MKLN1: variants seen among roughly 807,000 people sequenced by gnomAD.
The protein encoded by MKLN1 is muskelin 1.
MKLN1 carries 18 observed loss-of-function variants against 99.0 expected under a neutral mutation model. The observed-to-expected ratio is 0.18, with a 90% CI of 0.13 to 0.27. The LOEUF (loss-of-function observed/expected upper bound fraction) is 0.27. MKLN1 is among the 10% of genes least tolerant of loss of function. The pLI is 1.00. For missense variants in MKLN1, 621 were observed against 875.9 expected (o/e 0.71, Z 3.67); for synonymous variants, 288 against 293.2 (o/e 0.98, Z 0.18).
chr7:131,230,255 G>A (rs1342236656), intron 3 of MKLN1, among the ~76,000 whole-genome samples: 2 of 152,168 alleles, frequency 1.3e-5, no homozygotes, highest in African/African-American at 2.4e-5. Flanking sequence ...CAAAAGGGAG[G>A]AGGTATAAGG....
chr7:131,319,709 C>G (rs1235357460), intron 3 of MKLN1, among the ~76,000 whole-genome samples: 1 of 152,092 alleles, frequency 6.6e-6, no homozygotes, highest in Non-Finnish European at 1.5e-5. Context: ...TGTCTGAGCC[C>G]CAAAATCTCC....
chr7:131,226,460 C>T (rs922151157), intron 3 of MKLN1, among the ~76,000 whole-genome samples: 2 of 152,176 alleles, frequency 1.3e-5, no homozygotes, highest in Admixed American at 6.5e-5. Flanking sequence ...TTAGATGATC[C>T]GCACTTTTCC....
intron 1 of MKLN1, among the ~76,000 whole-genome samples, chr7:131,341,574 C>G (rs1033213957): frequency 1.2e-4 from 19 of 152,088 alleles, no homozygotes. Flanking sequence ...TATGTTTAGC[C>G]GTTTATTAGT....
intron 1 of MKLN1, among the ~76,000 whole-genome samples, chr7:131,335,566 C>T (rs886285684): frequency 2.6e-5 from 4 of 151,998 alleles, no homozygotes; most frequent in Non-Finnish European, 4.4e-5. Flanking sequence ...ATGTTTAGTC[C>T]TAAGACTATA....
rs1388417588 is a variant in MKLN1, at chr7:131,167,681, A to AAAAAAT, written c.-297+24743_-297+24748dup. Among the ~76,000 whole-genome samples the AAAAAAT allele has an allele frequency of 8.6e-5, 13 of 152,026 alleles. 2 individuals carry two copies. The East Asian group carries it at 2.5e-3, about 29-fold the overall frequency. ...AGCAAGACTCTGTCTCAAAAAAAAA[A>AAAAAAT]AAAAATAATGTGGAAAAGAAAACAC... On this transcript the variant is annotated intron_variant, in intron 2 of 7. Transcript: ENST00000416992.
chr7:131,125,428 C>T (rs1311955956), intron 1 of MKLN1, among the ~76,000 whole-genome samples: 1 of 152,152 alleles, frequency 6.6e-6, no homozygotes, highest in Non-Finnish European at 1.5e-5. Flanking sequence ...GCTAACCTGA[C>T]ATGAACGAGA....
intron 1 of MKLN1, among the ~76,000 whole-genome samples, chr7:131,332,634 A>T (rs1380059498): frequency 6.6e-6 from 1 of 151,714 alleles, no homozygotes; most frequent in African/African-American, 2.4e-5. Flanking sequence ...ATCATTCCAG[A>T]TCTTTTACTG....
At chr7:131,321,244 C>A (rs1798768156) in intron 3 of MKLN1, among the ~76,000 whole-genome samples, 1 of 105,046 alleles carries the variant, frequency 9.5e-6, no homozygotes, top group South Asian at 3.0e-4. Flanking sequence ...GAATACTATG[C>A]AGCTATAAAA....
At chr7:131,370,464 C>CTT (rs74274320) in intron 1 of MKLN1, among the ~76,000 whole-genome samples, 2 of 106,770 alleles carry the variant, frequency 1.9e-5, no homozygotes, top group Admixed American at 9.0e-5. Context: ...TGTCACTATT[C>CTT]TTTTTTTTTT....
chr7:131,273,352 T>G (rs1374921322), intron 3 of MKLN1, among the ~76,000 whole-genome samples: 6 of 36 alleles, frequency 0.17, no homozygotes, highest in Non-Finnish European at 0.36. Context: ...AAAAGGTCCA[T>G]TTTTTTAGCA....
chr7:131,482,250 A>T (rs1276979604), intron 17 of MKLN1, among the ~76,000 whole-genome samples: 1 of 152,184 alleles, frequency 6.6e-6, no homozygotes, highest in African/African-American at 2.4e-5. Context: ...GCTGGAGTGC[A>T]GTGGTGCAGT....
Position 131,192,121 on chromosome 7 carries a change from G to GATA in MKLN1, c.-296-10736_-296-10735insATA, listed in dbSNP as rs1563247266. Among the ~76,000 whole-genome samples, 6 of 72,342 alleles carry GATA rather than the reference G, an allele frequency of 8.3e-5. 1 individual carries two copies. Among genetic ancestry groups the GATA allele is most frequent in the African/African-American group, 3.1e-4 (5 of 16,062 alleles). The allele number at this position is 72,342 out of a possible 152,430, so 47.5% of individuals were successfully genotyped here. A position where few individuals can be genotyped will look rare whatever the true frequency, so the allele number is the denominator to read the frequency against. The stretch of plus-strand genomic sequence containing the variant: ...ATGTATATATATATTATATATATAC[G>GATA]TATATATATAAAAATATATATACGT... On this transcript the variant is annotated intron_variant, in intron 2 of 7. Coordinates refer to the MKLN1 transcript ENST00000416992.
intron 3 of MKLN1, among the ~76,000 whole-genome samples, chr7:131,243,233 A>G (rs745702026): frequency 1.3e-5 from 2 of 152,202 alleles, no homozygotes; most frequent in Non-Finnish European, 2.9e-5. Flanking sequence ...AGTTACTTGA[A>G]GAAAAATTGT....
chr7:131,460,357 T>C (rs1796479428), intron 12 of MKLN1, among the ~76,000 whole-genome samples: 1 of 152,236 alleles, frequency 6.6e-6, no homozygotes, highest in Admixed American at 6.5e-5. Flanking sequence ...GCAGTTTCTT[T>C]TACAGTGTGT....
At chr7:131,482,256 G>A (rs1028350213) in intron 17 of MKLN1, among the ~76,000 whole-genome samples, 1 of 152,168 alleles carries the variant, frequency 6.6e-6, no homozygotes, top group African/African-American at 2.4e-5. Flanking sequence ...GTGCAGTGGT[G>A]CAGTCATGGC....
At chr7:131,428,997 C>G (rs779555384) in intron 8 of MKLN1, 36 bp from the exon 9 acceptor site, 2 of 1,311,306 alleles carry the variant, frequency 1.5e-6, no homozygotes, top group South Asian at 2.8e-5. Context: ...TTATTTTGTC[C>G]TTTTTTTTTT....
intron 2 of MKLN1, among the ~76,000 whole-genome samples, chr7:131,184,646 T>G (rs111743132): frequency 2.0e-4 from 31 of 152,156 alleles, no homozygotes; most frequent in African/African-American, 7.2e-4. Context: ...TGACTCAGCC[T>G]CCCAAGTAGC....
intron 17 of MKLN1, among the ~76,000 whole-genome samples, chr7:131,480,989 C>T (rs1307709093): frequency 6.6e-6 from 1 of 152,206 alleles, no homozygotes; most frequent in East Asian, 1.9e-4. Flanking sequence ...TCTTTTGACT[C>T]TGACCTATTC....
intron 3 of MKLN1, among the ~76,000 whole-genome samples, chr7:131,217,548 A>AG (rs34348672): frequency 0.18 from 26,903 of 152,196 alleles, 2,888 homozygotes; most frequent in Non-Finnish European, 0.25. Context: ...AAATACAAAA[A>AG]TTAACCAGGT....
Sources: gnomAD v4.1 joint callset for allele counts (sites outside exome capture counted in the v4.1 genomes callset) on GRCh38, gnomAD v4.1.1 for gene constraint, MANE v1.5 for transcripts, NCBI Gene and HGNC (gene_info 2026-07-23, HGNC 2026-07-21) for gene names.